The following NLRP5 variants were observed in gnomAD, a reference collection of about 807,000 sequenced individuals.
NLRP5 encodes NACHT, LRR and PYD domains-containing protein 5.
NLRP5 carries 93 observed loss-of-function variants against 113.1 expected under a neutral mutation model. That is an observed-to-expected ratio of 0.82 (90% CI 0.70 to 0.98). The LOEUF is 0.98. Among genes scored for constraint, NLRP5 ranks in the 50% least tolerant of loss-of-function variants. The probability of loss-of-function intolerance (pLI) is 0.00; values close to 1 mark genes in which losing one functional copy is unlikely to be tolerated. For missense variants in NLRP5, 1,808 were observed against 1,514.3 expected (o/e 1.19, Z -3.22); for synonymous variants, 751 against 600.7 (o/e 1.25, Z -3.66).
the NLRP5 span, chr19:55,988,432 ATATG>A: frequency 1.2e-5 from 1 of 84,098 alleles, no homozygotes; most frequent in East Asian, 3.9e-4. Context: ...ATAAATATAT[ATATG>A]TGTGTGTGTA....
At chr19:56,007,869 T>TGTG (rs1981984462) in intron 2 of NLRP5, among the ~76,000 whole-genome samples, 1 of 85,928 alleles carries the variant, frequency 1.2e-5, no homozygotes, top group Non-Finnish European at 2.6e-5. Context: ...ACAAGACAGT[T>TGTG]TGTGTGTGTG....
rs143685765 is a variant in NLRP5 at position 56,018,983 on chromosome 19, A to C, written c.566-359A>C. On this transcript the variant is annotated intron_variant, in intron 4 of 14. Transcript: ENST00000390649. ...TAACTTTTTGTATTTTTTAGTAGAG[A>C]TGGGGTTTCATCATATTGGTCAGGC... 7.2e-3 allele frequency among the ~76,000 whole-genome samples: 1,101 copies of C among 152,054 alleles called. 11 individuals carry two copies. Among genetic ancestry groups the C allele is most frequent in the African/African-American group, 0.025 (1,048 of 41,458 alleles).
chr19:56,003,772 T>G lies in NLRP5; in HGVS notation c.119T>G (p.Phe40Cys), dbSNP rs1037699644. 1.2e-6 allele frequency: 2 copies of G among 1,613,664 alleles called. No individual in the cohort carries two copies. The highest frequency in any genetic ancestry group is 1.7e-6 in the Non-Finnish European group (2 of 1,179,814). Residue 40 changes from phenylalanine (F) to cysteine (C), a missense_variant, in exon 2 of 15, where the codon TTC becomes TGC. Coordinates refer to ENST00000390649, the MANE Select transcript of NLRP5 (RefSeq NM_153447.4). Reference sequence around the variant, plus strand: ...TCTATATTACCAAAGAATCCACTTTTCCCCCAAAACCTGAGCTCTCAGCCT... The same window carrying G: ...TCTATATTACCAAAGAATCCACTTTGCCCCCAAAACCTGAGCTCTCAGCCT...
the NLRP5 span, among the ~76,000 whole-genome samples, chr19:55,990,982 C>T: frequency 0.033 from 5,029 of 151,946 alleles, 208 homozygotes; most frequent in African/African-American, 0.082. Context: ...AAAACTCCAT[C>T]TCAAAGAAAA....
intron 11 of NLRP5, among the ~76,000 whole-genome samples, chr19:56,048,987 T>A (rs1199685761): frequency 7.5e-6 from 1 of 133,920 alleles, no homozygotes; most frequent in African/African-American, 2.8e-5. Context: ...TAATTTTTTT[T>A]TTTTTTTTTT....
At chr19:56,047,794 T>C (rs1983782720) in intron 11 of NLRP5, among the ~76,000 whole-genome samples, 1 of 152,228 alleles carries the variant, frequency 6.6e-6, no homozygotes, top group Non-Finnish European at 1.5e-5. Flanking sequence ...TCTGTCTTCA[T>C]GACCTGTCCA....
chr19:56,003,650 C>T, intron 1 of NLRP5, 86 bp from the exon 2 acceptor site: 1 of 1,463,234 alleles, frequency 6.8e-7, no homozygotes, highest in Non-Finnish European at 9.2e-7. Context: ...GAAGGCCGTT[C>T]ATCTAGTGAG....
intron 11 of NLRP5, among the ~76,000 whole-genome samples, chr19:56,047,168 A>C (rs894134828): frequency 2.0e-5 from 3 of 152,062 alleles, no homozygotes; most frequent in African/African-American, 7.2e-5. Context: ...TAGTCTATCA[A>C]TTTTATATTT....
chr19:56,041,030 C>G lies in NLRP5; in HGVS notation c.2895C>G (p.Asn965Lys), dbSNP rs141696788. The G allele has an allele frequency of 7.4e-5, 119 of 1,613,972 alleles. 1 individual carries two copies. In the East Asian group the frequency reaches 1.6e-3, roughly 22 times the overall value. ...GCCTATCCAACAACAGCCTGGGGAA[C>G]GAAGGTGTAAATCTACTGTGTCGAT... The change falls in exon 11 of 15, where the codon AAC (asparagine) becomes AAG (lysine). Residue 965 changes from asparagine (N) to lysine (K), a missense_variant. By Grantham distance (94) the Asn-to-Lys change is moderately conservative. Transcript: ENST00000390649.
chr19:56,027,755 C>G lies in NLRP5; in HGVS notation c.1522C>G (p.His508Asp), dbSNP rs191551009. The G allele has an allele frequency of 3.0e-5, 49 of 1,613,926 alleles. No homozygotes were observed. The Admixed American group carries it at 8.2e-4, about 27-fold the overall frequency. The change falls in exon 7 of 15, where the codon CAT becomes GAT. Residue 508 changes from histidine to aspartate, a missense_variant. His to Asp is a moderately conservative substitution (Grantham distance 81). Coordinates refer to ENST00000390649, the MANE Select transcript of NLRP5 (RefSeq NM_153447.4). Reference sequence around the variant, plus strand: ...AGGCCTGCACGCCGCTTTTGTGTTTCATCAGCTCACCCCTCGAGGCGTGGT... The same window carrying G: ...AGGCCTGCACGCCGCTTTTGTGTTTGATCAGCTCACCCCTCGAGGCGTGGT...
At chr19:56,050,308 C>T (rs879060254) in intron 11 of NLRP5, 110 bp from the exon 12 acceptor site, 4 of 971,482 alleles carry the variant, frequency 4.1e-6, no homozygotes, top group Non-Finnish European at 6.0e-6. Flanking sequence ...ACAAATATGA[C>T]CCCACCCTAC....
upstream of NLRP5, among the ~76,000 whole-genome samples, chr19:55,996,709 C>T (rs550365559): frequency 2.0e-5 from 3 of 152,258 alleles, no homozygotes; most frequent in Non-Finnish European, 4.4e-5. Flanking sequence ...TGTATATGTA[C>T]CACATTTTCT....
upstream of NLRP5, among the ~76,000 whole-genome samples, chr19:55,998,698 ATATATGTGTGTG>A (rs1568478236): frequency 1.3e-5 from 1 of 76,074 alleles, no homozygotes; most frequent in African/African-American, 5.1e-5. Context: ...ATATATATAT[ATATATGTGTGTG>A]TGTGTATATA....
chr19:56,007,900 C>T (rs143988731), intron 2 of NLRP5, among the ~76,000 whole-genome samples: 25 of 79,448 alleles, frequency 3.1e-4, no homozygotes, highest in African/African-American at 7.8e-4. Context: ...CGCGTGCGCG[C>T]GTGCGTGTGT....
At chr19:56,013,200 G>C (rs1227328244) in intron 3 of NLRP5, among the ~76,000 whole-genome samples, 1 of 151,860 alleles carries the variant, frequency 6.6e-6, no homozygotes, top group African/African-American at 2.4e-5. Flanking sequence ...TTTGTTTTTT[G>C]TTTTTGTTTT....
At chr19:56,042,997 A>G (rs1019440820) in intron 11 of NLRP5, among the ~76,000 whole-genome samples, 4 of 151,600 alleles carry the variant, frequency 2.6e-5, no homozygotes, top group East Asian at 1.9e-4. Context: ...TTCTTTATCC[A>G]CTCATTGATT....
At chr19:56,010,487 G>A (rs1568484291) in intron 3 of NLRP5, among the ~76,000 whole-genome samples, 1 of 152,026 alleles carries the variant, frequency 6.6e-6, no homozygotes, top group Admixed American at 6.6e-5. Flanking sequence ...GCTCACGCCT[G>A]TAATCCCAGC....
intron 7 of NLRP5, among the ~76,000 whole-genome samples, 159 bp downstream of exon 7, chr19:56,028,668 A>T (rs1982976531): frequency 6.6e-6 from 1 of 152,214 alleles, no homozygotes; most frequent in African/African-American, 2.4e-5. Context: ...CAGGACCGGA[A>T]TCTGGCTCAT....
At chr19:56,040,591 A>T (rs1287999281) in intron 10 of NLRP5, among the ~76,000 whole-genome samples, 1 of 152,166 alleles carries the variant, frequency 6.6e-6, no homozygotes, top group Non-Finnish European at 1.5e-5. Flanking sequence ...AAATAAGAAA[A>T]TAAATAAATT....
Sources: gnomAD v4.1 joint callset for allele counts (sites outside exome capture counted in the v4.1 genomes callset) on GRCh38, gnomAD v4.1.1 for gene constraint, MANE v1.5 for transcripts, NCBI Gene and HGNC (gene_info 2026-07-23, HGNC 2026-07-21) for gene names.